EYS: variants seen among roughly 807,000 people sequenced by gnomAD.
EYS encodes protein eyes shut homolog.
In EYS, 250 loss-of-function variants were observed where a neutral mutation model predicts 282.1. The observed-to-expected ratio is 0.89, with a 90% confidence interval of 0.80 to 0.98. The LOEUF (loss-of-function observed/expected upper bound fraction) is 0.98. EYS is among the 50% of genes least tolerant of loss of function. EYS has a pLI of 0.00. For synonymous variants in EYS, 1,355 were observed against 1,282.9 expected (o/e 1.06, Z -1.20); for missense variants, 4,016 against 3,709.0 (o/e 1.08, Z -2.15).
chr6:64,059,048 T>G (rs956550877), intron 33 of EYS, among the ~76,000 whole-genome samples: 12 of 152,216 alleles, frequency 7.9e-5, no homozygotes, highest in Non-Finnish European at 1.6e-4. Context: ...TCCTTTCACC[T>G]GGAACTTTTT....
intron 30 of EYS, among the ~76,000 whole-genome samples, chr6:64,263,409 ATCT>A (rs759773963): frequency 1.3e-5 from 2 of 152,018 alleles, no homozygotes; most frequent in South Asian, 4.1e-4. Context: ...TTTATATCTC[ATCT>A]TCTTATTCTT....
intron 22 of EYS, among the ~76,000 whole-genome samples, chr6:64,770,027 C>G (rs1456704454): frequency 6.6e-6 from 1 of 151,486 alleles, no homozygotes; most frequent in African/African-American, 2.4e-5. Flanking sequence ...TTACTTCTAT[C>G]CTTATATTCC....
intron 40 of EYS, among the ~76,000 whole-genome samples, chr6:63,775,703 A>G (rs1209012439): frequency 6.6e-6 from 1 of 152,116 alleles, no homozygotes; most frequent in Non-Finnish European, 1.5e-5. Flanking sequence ...TTTTTCTTTA[A>G]AGGAGGTATT....
At chr6:65,639,973 G>C (rs1191743044) in intron 1 of EYS, 81 bp from the exon 2 acceptor site, 1 of 152,120 alleles carries the variant, frequency 6.6e-6, no homozygotes, top group Non-Finnish European at 1.5e-5. Context: ...ATCTTATGGA[G>C]GGATATAATC....
intron 2 of EYS, among the ~76,000 whole-genome samples, chr6:65,615,424 A>G (rs1427644633): frequency 6.7e-6 from 1 of 149,580 alleles, no homozygotes; most frequent in Non-Finnish European, 1.5e-5. Context: ...ATAAATATAT[A>G]TATTTAGTAC....
At chr6:64,132,002 G>T (rs1431103529) in intron 31 of EYS, among the ~76,000 whole-genome samples, 1 of 151,942 alleles carries the variant, frequency 6.6e-6, no homozygotes, top group Non-Finnish European at 1.5e-5. Flanking sequence ...AGCCAAAATA[G>T]TATTCTCTAT....
chr6:63,925,398 T>C (rs746426714), intron 35 of EYS, among the ~76,000 whole-genome samples: 6 of 152,240 alleles, frequency 3.9e-5, no homozygotes, highest in Non-Finnish European at 8.8e-5. Flanking sequence ...ATTTTGAGCA[T>C]TCTTACATGA....
At chr6:65,350,017 G>T (rs1770540679) in intron 9 of EYS, among the ~76,000 whole-genome samples, 4 of 151,366 alleles carry the variant, frequency 2.6e-5, no homozygotes, top group Admixed American at 6.6e-5. Context: ...TATTAAAGTT[G>T]TTTATTTCTA....
chr6:64,654,846 C>T (rs758222181), intron 22 of EYS, among the ~76,000 whole-genome samples: 11 of 152,080 alleles, frequency 7.2e-5, no homozygotes, highest in African/African-American at 1.7e-4. Flanking sequence ...GAAAAGTCAC[C>T]GGCTAAATGT....
chr6:65,073,655 AT>A lies in EYS; in HGVS notation c.2024-15929del, dbSNP rs1239731244. 1.1e-4 allele frequency among the ~76,000 whole-genome samples: 17 copies of A among 151,834 alleles called. No individual in the cohort carries two copies. The South Asian group carries it at 1.7e-3, about 15-fold the overall frequency. On this transcript the variant is annotated intron_variant, in intron 12 of 42. Transcript: ENST00000503581. ...TATATTTTTATATATACTTTTTAAT[AT>A]TTTTTATATATGAAAAATGAGATAT...
intron 14 of EYS, among the ~76,000 whole-genome samples, chr6:64,958,823 A>G (rs567482011): frequency 6.8e-6 from 1 of 147,956 alleles, no homozygotes; most frequent in African/African-American, 2.5e-5. Context: ...TTTACATTTT[A>G]TATTTCATAA....
chr6:64,170,938 T>C (rs1764459102), intron 31 of EYS, among the ~76,000 whole-genome samples: 1 of 152,074 alleles, frequency 6.6e-6, no homozygotes, highest in Admixed American at 6.6e-5. Context: ...ACTGAAACAA[T>C]GGTGAGTATA....
intron 29 of EYS, among the ~76,000 whole-genome samples, chr6:64,319,795 G>T (rs1258260860): frequency 6.6e-6 from 1 of 151,848 alleles, no homozygotes; most frequent in Non-Finnish European, 1.5e-5. Context: ...GAATATTCCA[G>T]TTAAGCTGCC....
chr6:65,317,268 A>G (rs1769319685), intron 11 of EYS, among the ~76,000 whole-genome samples: 1 of 152,180 alleles, frequency 6.6e-6, no homozygotes, highest in African/African-American at 2.4e-5. Flanking sequence ...AAATCTATTC[A>G]CTGATTACTA....
intron 13 of EYS, among the ~76,000 whole-genome samples, chr6:65,008,428 G>A (rs140303904): frequency 2.8e-4 from 43 of 151,690 alleles, no homozygotes; most frequent in African/African-American, 1.0e-3. Flanking sequence ...TTATAAAAGA[G>A]ATCAGGAGGA....
intron 32 of EYS, among the ~76,000 whole-genome samples, chr6:64,079,668 A>T (rs964853156): frequency 3.3e-5 from 5 of 152,048 alleles, no homozygotes; most frequent in African/African-American, 1.2e-4. Flanking sequence ...GGTGTGCTGC[A>T]CCTATTAACT....
chr6:65,548,771 G>A (rs1173213313), intron 2 of EYS, among the ~76,000 whole-genome samples: 1 of 152,150 alleles, frequency 6.6e-6, no homozygotes, highest in Non-Finnish European at 1.5e-5. Context: ...ATGAAGCCCT[G>A]CTTCAGCATT....
intron 2 of EYS, 147 bp downstream of exon 2, chr6:65,639,631 G>T (rs947572820): frequency 3.3e-5 from 5 of 152,036 alleles, no homozygotes; most frequent in African/African-American, 4.8e-5. Flanking sequence ...AGCCAAAAAC[G>T]ATAAAACCTG....
intron 2 of EYS, among the ~76,000 whole-genome samples, chr6:65,514,667 C>G (rs1025975036): frequency 1.2e-4 from 18 of 152,160 alleles, no homozygotes; most frequent in Non-Finnish European, 1.5e-5. Context: ...TTTGACAAAC[C>G]TGAGAAAAAC....
Sources: allele counts gnomAD v4.1 joint callset (sites outside exome capture counted in the v4.1 genomes callset), GRCh38; gene constraint gnomAD v4.1.1; transcripts MANE v1.5; gene names NCBI Gene and HGNC (gene_info 2026-07-23, HGNC 2026-07-21).